MBP: variants seen among roughly 807,000 people sequenced by gnomAD.
MBP encodes the protein Golli-MBP.
In MBP, 16 loss-of-function variants were observed where a neutral mutation model predicts 35.8. The observed-to-expected ratio is 0.45, with a 90% CI of 0.30 to 0.68. MBP has a LOEUF of 0.68. Among genes scored for constraint, MBP ranks in the 30% least tolerant of loss-of-function variants. The pLI is 0.08. For synonymous variants in MBP, 143 were observed against 159.6 expected, an observed-to-expected ratio of 0.90 and a Z score of 0.78; for missense variants, 380 against 404.7, an observed-to-expected ratio of 0.94 and a Z score of 0.52.
chr18:77,107,321 T>C (rs758390661), intron 1 of MBP, among the ~76,000 whole-genome samples: 3 of 152,196 alleles, frequency 2.0e-5, no homozygotes, highest in Non-Finnish European at 4.4e-5. Flanking sequence ...GTTCTCCAAG[T>C]GCCTGTTCCT....
chr18:77,087,958 C>A (rs1234148379), intron 2 of MBP, among the ~76,000 whole-genome samples: 1 of 151,936 alleles, frequency 6.6e-6, no homozygotes, highest in Non-Finnish European at 1.5e-5. Context: ...GTCCACGCGG[C>A]GCCTGGAGGG....
chr18:76,997,050 C>G (rs1318013664), intron 4 of MBP, among the ~76,000 whole-genome samples: 1 of 152,182 alleles, frequency 6.6e-6, no homozygotes, highest in Non-Finnish European at 1.5e-5. Flanking sequence ...CTAGAGCGTC[C>G]TCCCCCTCCA....
chr18:77,071,645 C>G (rs935248716), intron 2 of MBP, among the ~76,000 whole-genome samples: 1 of 152,190 alleles, frequency 6.6e-6, no homozygotes, highest in African/African-American at 2.4e-5. Flanking sequence ...AGATAAAAGT[C>G]TTGTCTGGTT....
intron 3 of MBP, among the ~76,000 whole-genome samples, chr18:77,058,434 C>G (rs2144748365): frequency 6.6e-6 from 1 of 152,324 alleles, no homozygotes; most frequent in Non-Finnish European, 1.5e-5. Flanking sequence ...GCTCGCCAGC[C>G]ACGGGAGGGA....
At chr18:77,128,509 C>T (rs975459831) in intron 1 of MBP, among the ~76,000 whole-genome samples, 3 of 139,764 alleles carry the variant, frequency 2.1e-5, no homozygotes, top group South Asian at 2.4e-4. Context: ...GAGAACTAAG[C>T]GCACGTGCAT....
intron 4 of MBP, among the ~76,000 whole-genome samples, chr18:77,002,432 G>A (rs1970689519): frequency 6.6e-6 from 1 of 152,242 alleles, no homozygotes; most frequent in African/African-American, 2.4e-5. Flanking sequence ...GTGGCTAAAT[G>A]CAGTAGGGAT....
chr18:77,046,759 C>G (rs372444096), intron 3 of MBP, among the ~76,000 whole-genome samples: 1 of 152,248 alleles, frequency 6.6e-6, no homozygotes, highest in East Asian at 1.9e-4. Context: ...TACGGCCCAC[C>G]CTTCCTTCCA....
chr18:76,997,549 G>GT (rs1970341428), intron 4 of MBP, among the ~76,000 whole-genome samples: 1 of 152,256 alleles, frequency 6.6e-6, no homozygotes, highest in Non-Finnish European at 1.5e-5. Flanking sequence ...CCAGACCTGG[G>GT]TTTTGGTTTA....
rs770801249 is a variant in MBP, at chr18:77,017,206, T to G, written c.202A>C (p.Lys68Gln). Residue 68 changes from lysine (K) to glutamine (Q), a missense_variant, in exon 4 of 9, where the codon AAG becomes CAG. By Grantham distance (53) the Lys-to-Gln change is moderately conservative. Transcript: ENST00000355994. The stretch of plus-strand genomic sequence containing the variant: ...GCATTCTTCGGGTCCGCTGTGCGCT[T>G]GGAGTCAGTCACCGCTGTGTCCTGA... ...SSQDTAVTDS[K>Q]RTADPKNAWQ... 5 of 1,529,580 alleles carry G rather than the reference T, an allele frequency of 3.3e-6. No individual in the cohort carries two copies. In the African/African-American group the frequency reaches 6.9e-5, roughly 21 times the overall value. 94.8% of individuals were successfully genotyped at this position (1,529,580 alleles called of 1,614,324 possible).
At position 76,980,035 on chromosome 18, in the gene MBP, G is replaced by C. The variant is rs1187559707; in HGVS notation, c.*392C>G. The C allele has an allele frequency of 7.1e-6, 5 of 702,514 alleles. No homozygotes were observed. In the Admixed American group the frequency reaches 1.0e-4, roughly 14 times the overall value. 43.5% of individuals were successfully genotyped at this position (702,514 alleles called of 1,614,324 possible). On this transcript the variant is annotated 3_prime_UTR_variant, in exon 9 of 9. Transcript: ENST00000355994. ...ACGTCCTCTCTGTCTCTGCAGCTGT[G>C]TGCCTCCATGGCAGTGACCAGCAAA...
In MBP at chr18:77,044,435, C is replaced by T. The variant is rs947316478; in HGVS notation, c.139+21863G>A. Among the ~76,000 whole-genome samples the T allele has an allele frequency of 1.3e-5, 2 of 152,148 alleles. No individual in the cohort carries two copies. The highest frequency in any genetic ancestry group is 2.4e-5 in the African/African-American group (1 of 41,442). ...AGATCAGGCTTCAGTGTCTGGGGAC[C>T]TGGGGACTGCTGTCCTCCTTCCCAG... is the stretch of plus-strand genomic sequence containing the variant. On this transcript the variant is annotated intron_variant, in intron 3 of 8. Transcript: ENST00000355994. This position sits in a 1 kb window ranked among gnomAD's most constrained non-coding sequence, Gnocchi z 4.4.
intron 2 of MBP, among the ~76,000 whole-genome samples, chr18:77,097,826 G>A (rs9945622): frequency 0.06 from 9,108 of 152,220 alleles, 560 homozygotes; most frequent in African/African-American, 0.15. Context: ...GGGTGGAGCC[G>A]GTATTAGGGG....
rs552124523 is a variant in MBP at position 77,060,147 on chromosome 18, G to T, written c.139+6151C>A. ...TGAAGTCCCCAGAATGGCTGGCCCC[G>T]CCATTTCTCTATTTTGTTTTCTCTA... On this transcript the variant is annotated intron_variant, in intron 3 of 8. Transcript: ENST00000355994. 1.2e-4 allele frequency among the ~76,000 whole-genome samples: 19 copies of T among 152,190 alleles called. No individual in the cohort carries two copies. The South Asian group carries it at 3.7e-3, about 30-fold the overall frequency.
At chr18:77,063,295 T>C (rs868428201) in intron 3 of MBP, among the ~76,000 whole-genome samples, 1 of 152,148 alleles carries the variant, frequency 6.6e-6, no homozygotes, top group African/African-American at 2.4e-5. Flanking sequence ...TTAAGGTCAA[T>C]AGCAAAAGCC....
intron 3 of MBP, among the ~76,000 whole-genome samples, chr18:77,054,849 C>T (rs1973661513): frequency 6.6e-6 from 1 of 152,090 alleles, no homozygotes; most frequent in Non-Finnish European, 1.5e-5. Context: ...GTAATGTCAC[C>T]ATGCACACAT....
At chr18:76,991,250 A>G (rs546443643) in intron 4 of MBP, among the ~76,000 whole-genome samples, 5 of 152,142 alleles carry the variant, frequency 3.3e-5, no homozygotes, top group African/African-American at 1.2e-4. Context: ...GCTGGGCATG[A>G]GTGCCCAGGG....
chr18:77,104,823 A>C (rs1976192891), intron 2 of MBP, among the ~76,000 whole-genome samples: 1 of 152,194 alleles, frequency 6.6e-6, no homozygotes, highest in Non-Finnish European at 1.5e-5. Context: ...TTCTAGGACC[A>C]ATCACAGAAT....
intron 3 of MBP, among the ~76,000 whole-genome samples, chr18:77,064,069 A>G (rs560676911): frequency 2.6e-5 from 4 of 152,310 alleles, no homozygotes; most frequent in African/African-American, 9.6e-5. Context: ...ACTTTTATTT[A>G]TGTGTAAAAC....
chr18:76,981,680 C>T (rs373822215), intron 8 of MBP: 55 of 152,370 alleles, frequency 3.6e-4, no homozygotes, highest in African/African-American at 1.3e-3. Context: ...AGCTTTCTCA[C>T]ATACCGTGGA....
Sources: allele counts gnomAD v4.1 joint callset (sites outside exome capture counted in the v4.1 genomes callset), GRCh38; gene constraint gnomAD v4.1.1; non-coding constraint Gnocchi (gnomAD v3.1); transcripts MANE v1.5; gene names NCBI Gene and HGNC (gene_info 2026-07-23, HGNC 2026-07-21).